Variants in IGSF11 observed in about 807,000 individuals in gnomAD.
The protein encoded by IGSF11 is CXADR like 1.
In IGSF11, 22 loss-of-function variants were observed where a neutral mutation model predicts 41.0. The observed-to-expected ratio is 0.54, with a 90% confidence interval of 0.38 to 0.77. IGSF11 has a LOEUF of 0.77. Ranked by LOEUF, IGSF11 falls within the 30% of genes least tolerant of loss-of-function variation. The pLI is 0.00. For synonymous variants in IGSF11, 219 were observed against 201.3 expected, an observed-to-expected ratio of 1.09 and a Z score of -0.74; for missense variants, 444 against 530.8, an observed-to-expected ratio of 0.84 and a Z score of 1.61.
In IGSF11 at chr3:118,928,673, CG is replaced by C. The variant is rs756300941; in HGVS notation, c.259del (p.Arg87GlyfsTer6). 11 of 1,613,922 alleles carry C rather than the reference CG, an allele frequency of 6.8e-6. No individual in the cohort carries two copies. The highest frequency in any genetic ancestry group is 9.3e-6 in the Non-Finnish European group (11 of 1,179,942). On this transcript the variant is annotated frameshift_variant, in exon 3 of 7. Transcript: ENST00000393775. LOFTEE classifies it high-confidence loss of function. ...TGTAAATCCTACCCTACCGTGGAAC[CG>C]GGGGGCACCATCAAACATCTGTCCA... ...QGGQMFDGAP[R>X]FHGRVGFTGT...
intron 1 of IGSF11, among the ~76,000 whole-genome samples, chr3:119,091,504 C>T (rs892143849): frequency 4.6e-5 from 7 of 152,202 alleles, no homozygotes; most frequent in Admixed American, 3.3e-4. Context: ...TACATATACA[C>T]CATGGAATAC....
At chr3:119,022,834 C>T (rs1356524876) in intron 1 of IGSF11, among the ~76,000 whole-genome samples, 1 of 152,138 alleles carries the variant, frequency 6.6e-6, no homozygotes, top group Non-Finnish European at 1.5e-5. Context: ...ATGGGCCATA[C>T]CTACTAAAGT....
chr3:118,949,434 G>C lies in IGSF11; in HGVS notation c.53-19159C>G, dbSNP rs182951217. On this transcript the variant is annotated intron_variant, in intron 1 of 6. Coordinates refer to ENST00000393775, the MANE Select transcript of IGSF11 (RefSeq NM_001015887.3). ...ATTATTGAAAAGAAATACAACACAT[G>C]AACATATACAGACACAAAAACCACA... is the stretch of plus-strand genomic sequence containing the variant. The C allele has an allele frequency of 2.2e-4, 33 of 151,388 alleles. No individual in the cohort carries two copies. The East Asian group carries it at 5.8e-3, about 27-fold the overall frequency. The allele number at this position is 151,388 out of a possible 1,614,324, so 9.4% of individuals were successfully genotyped here. A position where few individuals can be genotyped will look rare whatever the true frequency, so the allele number is the denominator to read the frequency against.
rs559950511 is a variant in IGSF11, at chr3:118,963,141, G to T, written c.53-32866C>A. 3.3e-5 allele frequency among the ~76,000 whole-genome samples: 5 copies of T among 152,288 alleles called. No individual in the cohort carries two copies. The South Asian group carries it at 1.0e-3, about 32-fold the overall frequency. On this transcript the variant is annotated intron_variant, in intron 1 of 6. Transcript: ENST00000393775. Reference sequence around the variant, plus strand: ...TGAACCACAGGCATCAGGATTATCTGTCATACCCGCTTAAAATGCTGATTC... The same window carrying T: ...TGAACCACAGGCATCAGGATTATCTTTCATACCCGCTTAAAATGCTGATTC...
At chr3:118,939,474 GC>G (rs1179502919) in intron 1 of IGSF11, among the ~76,000 whole-genome samples, 6 of 151,990 alleles carry the variant, frequency 3.9e-5, no homozygotes, top group Non-Finnish European at 7.4e-5. Flanking sequence ...TACTTGGGAG[GC>G]TGAGGTAGGA....
At chr3:119,011,453 T>C (rs1175277772) in intron 1 of IGSF11, among the ~76,000 whole-genome samples, 4 of 152,096 alleles carry the variant, frequency 2.6e-5, no homozygotes, top group African/African-American at 9.7e-5. Context: ...GTATAATCTG[T>C]GAGAAGAGCC....
chr3:119,072,545 G>C (rs1326986509), intron 1 of IGSF11, among the ~76,000 whole-genome samples: 1 of 152,188 alleles, frequency 6.6e-6, no homozygotes, highest in East Asian at 1.9e-4. Context: ...GACGTGTTCA[G>C]ACTTTCTTCC....
intron 1 of IGSF11, among the ~76,000 whole-genome samples, chr3:119,030,385 T>C (rs905212198): frequency 6.6e-6 from 1 of 152,212 alleles, no homozygotes; most frequent in African/African-American, 2.4e-5. Flanking sequence ...CGGTAGATCA[T>C]TGGCTGAGTC....
intron 1 of IGSF11, chr3:119,145,682 A>T (rs2077713372): frequency 6.5e-6 from 1 of 154,612 alleles, no homozygotes; most frequent in South Asian, 2.0e-4. Context: ...CACTGCCAAG[A>T]CAGCTATACC....
Position 119,010,523 on chromosome 3 carries a change from T to C in IGSF11, c.52+24008A>G, listed in dbSNP as rs114595580. 2.2e-3 allele frequency among the ~76,000 whole-genome samples: 335 copies of C among 152,270 alleles called. 1 individual carries two copies. In the Middle Eastern group the frequency reaches 0.027, roughly 12 times the overall value. ...GGCTCTTCCTTATGTGAGTGGGCCA[T>C]TTAGGGCCGAAATAAAAACAAAAGG... On this transcript the variant is annotated intron_variant, in intron 1 of 6. Coordinates refer to ENST00000393775, the MANE Select transcript of IGSF11 (RefSeq NM_001015887.3).
intron 1 of IGSF11, among the ~76,000 whole-genome samples, chr3:119,084,892 G>A (rs75116418): frequency 0.05 from 7,601 of 152,256 alleles, 234 homozygotes; most frequent in South Asian, 0.093. Context: ...ATCTGTGCCC[G>A]GCACTTGAGC....
At chr3:118,993,288 AATC>A (rs1485143550) in intron 1 of IGSF11, among the ~76,000 whole-genome samples, 1 of 152,224 alleles carries the variant, frequency 6.6e-6, no homozygotes, top group Admixed American at 6.5e-5. Flanking sequence ...CAGTATCATT[AATC>A]ATTATAAAAA....
chr3:118,927,954 G>GA (rs1041089272), intron 3 of IGSF11, among the ~76,000 whole-genome samples: 3 of 151,602 alleles, frequency 2.0e-5, no homozygotes, highest in Non-Finnish European at 2.9e-5. Context: ...GCAATCTGGG[G>GA]AAAAAAAACC....
At chr3:118,904,142 C>T (rs542255112) in intron 6 of IGSF11, among the ~76,000 whole-genome samples, 1 of 152,140 alleles carries the variant, frequency 6.6e-6, no homozygotes, top group African/African-American at 2.4e-5. Flanking sequence ...CCTCAAATCT[C>T]CCCAGTATGA....
intron 1 of IGSF11, among the ~76,000 whole-genome samples, chr3:119,083,338 A>G (rs1547440): frequency 0.17 from 25,513 of 151,856 alleles, 2,628 homozygotes; most frequent in Non-Finnish European, 0.24. Flanking sequence ...CCAGGGCTCA[A>G]GTAATCCTCC....
At chr3:118,969,359 T>C (rs150543099) in intron 1 of IGSF11, among the ~76,000 whole-genome samples, 2 of 152,192 alleles carry the variant, frequency 1.3e-5, no homozygotes, top group East Asian at 3.9e-4. Flanking sequence ...GGGAAAAGTA[T>C]ACACAAAGAA....
At chr3:119,043,486 G>A (rs975526610) in intron 1 of IGSF11, among the ~76,000 whole-genome samples, 4 of 152,138 alleles carry the variant, frequency 2.6e-5, no homozygotes, top group Non-Finnish European at 5.9e-5. Flanking sequence ...TCACAACCAT[G>A]CTCCAAAGAA....
At chr3:119,124,100 A>T (rs539849191) in intron 1 of IGSF11, among the ~76,000 whole-genome samples, 2 of 152,272 alleles carry the variant, frequency 1.3e-5, no homozygotes, top group East Asian at 3.9e-4. Flanking sequence ...AGGAAATTCA[A>T]AGAAATTCAA....
At chr3:118,948,971 CAAAAA>C (rs397874586) in intron 1 of IGSF11, among the ~76,000 whole-genome samples, 3 of 87,546 alleles carry the variant, frequency 3.4e-5, no homozygotes, top group Admixed American at 1.2e-4. Flanking sequence ...GACTCCGTCT[CAAAAA>C]AAAAAAAAAA....
Sources: gnomAD v4.1 joint callset for allele counts (sites outside exome capture counted in the v4.1 genomes callset) on GRCh38, gnomAD v4.1.1 for gene constraint, MANE v1.5 for transcripts, NCBI Gene and HGNC (gene_info 2026-07-23, HGNC 2026-07-21) for gene names.